The following CSMD3 variants were observed in gnomAD, a reference collection of about 807,000 sequenced individuals.
CSMD3 encodes the protein CUB and Sushi multiple domains 3.
CSMD3 carries 177 observed loss-of-function variants against 435.2 expected under a neutral mutation model. That is an observed-to-expected ratio of 0.41 (90% CI 0.36 to 0.46). CSMD3 has a LOEUF of 0.46. CSMD3 is among the 20% of genes least tolerant of loss of function. CSMD3 has a pLI of 0.34. For synonymous variants in CSMD3, 1,656 were observed against 1,520.5 expected, an observed-to-expected ratio of 1.09 and a Z score of -2.07; for missense variants, 4,265 against 4,504.6, an observed-to-expected ratio of 0.95 and a Z score of 1.52.
At chr8:112,809,746 T>C (rs988698521) in intron 12 of CSMD3, among the ~76,000 whole-genome samples, 2 of 152,156 alleles carry the variant, frequency 1.3e-5, no homozygotes, top group Non-Finnish European at 2.9e-5. Flanking sequence ...GGTTTCTTTC[T>C]GACTACAGGT....
At chr8:112,762,419 A>T (rs2132153676) in intron 13 of CSMD3, among the ~76,000 whole-genome samples, 1 of 152,062 alleles carries the variant, frequency 6.6e-6, no homozygotes. Flanking sequence ...TATGGCAGTG[A>T]ATTGTCAATG....
chr8:112,257,207 G>C (rs999989089), intron 61 of CSMD3, among the ~76,000 whole-genome samples: 2 of 152,126 alleles, frequency 1.3e-5, no homozygotes, highest in African/African-American at 4.8e-5. Context: ...ACAAGACAAG[G>C]ATGCTCTCTC....
intron 2 of CSMD3, chr8:113,311,102 A>T (rs1310514753): frequency 6.6e-6 from 1 of 152,010 alleles, no homozygotes; most frequent in African/African-American, 2.4e-5. Flanking sequence ...GTGATTTTTT[A>T]CTTGTTGGTA....
intron 1 of CSMD3, among the ~76,000 whole-genome samples, chr8:113,433,623 G>A (rs1254587310): frequency 6.6e-6 from 1 of 152,224 alleles, no homozygotes; most frequent in Non-Finnish European, 1.5e-5. Context: ...TGGGGTGCGC[G>A]ACGCCGCACC....
At chr8:113,086,848 G>A (rs2089802646) in intron 5 of CSMD3, among the ~76,000 whole-genome samples, 1 of 152,028 alleles carries the variant, frequency 6.6e-6, no homozygotes, top group South Asian at 2.1e-4. Flanking sequence ...GTCCTATTGA[G>A]GACGTTCATT....
At chr8:112,706,411 AT>A (rs1372588389) in intron 13 of CSMD3, among the ~76,000 whole-genome samples, 2 of 152,124 alleles carry the variant, frequency 1.3e-5, no homozygotes, top group African/African-American at 4.8e-5. Flanking sequence ...GAGAAAAAAA[AT>A]AAACAATTCT....
chr8:113,435,949 T>A (rs1347257710), intron 1 of CSMD3, among the ~76,000 whole-genome samples: 1 of 152,082 alleles, frequency 6.6e-6, no homozygotes, highest in African/African-American at 2.4e-5. Context: ...TCACTCTACC[T>A]GTCTGAACGC....
intron 25 of CSMD3, among the ~76,000 whole-genome samples, chr8:112,554,717 A>C (rs187893717): frequency 6.6e-6 from 1 of 152,082 alleles, no homozygotes; most frequent in Non-Finnish European, 1.5e-5. Context: ...TATAAAACTT[A>C]TGTTTGCAGA....
chr8:112,353,056 T>C (rs1468431247), intron 38 of CSMD3, among the ~76,000 whole-genome samples: 2 of 152,142 alleles, frequency 1.3e-5, no homozygotes, highest in East Asian at 1.9e-4. Flanking sequence ...TTTTAAAATA[T>C]AGTTGTAAGT....
intron 9 of CSMD3, among the ~76,000 whole-genome samples, chr8:112,929,463 T>G (rs1259548819): frequency 1.3e-5 from 2 of 152,110 alleles, no homozygotes; most frequent in Non-Finnish European, 2.9e-5. Flanking sequence ...TTTATTTTTA[T>G]TTTGATAATT....
intron 5 of CSMD3, among the ~76,000 whole-genome samples, chr8:113,097,752 C>T (rs1443272413): frequency 6.6e-6 from 1 of 152,004 alleles, no homozygotes; most frequent in Non-Finnish European, 1.5e-5. Context: ...TCATTCCAAA[C>T]TTAACCTTTC....
intron 13 of CSMD3, among the ~76,000 whole-genome samples, chr8:112,768,031 T>C (rs2078022298): frequency 6.6e-6 from 1 of 151,818 alleles, no homozygotes; most frequent in Non-Finnish European, 1.5e-5. Flanking sequence ...TTTAAAGTAC[T>C]TCAGGTGAAT....
intron 2 of CSMD3, among the ~76,000 whole-genome samples, chr8:113,285,539 G>A (rs1209369881): frequency 3.3e-5 from 5 of 152,098 alleles, no homozygotes; most frequent in Non-Finnish European, 5.9e-5. Flanking sequence ...GATTACAGGC[G>A]TGAGCCACCC....
intron 32 of CSMD3, among the ~76,000 whole-genome samples, chr8:112,442,110 G>A (rs1815090618): frequency 6.6e-6 from 1 of 152,186 alleles, no homozygotes; most frequent in Non-Finnish European, 1.5e-5. Flanking sequence ...AAGAAGAATA[G>A]GTATGCCACA....
chr8:112,635,961 T>A (rs564678742), intron 22 of CSMD3, among the ~76,000 whole-genome samples: 1 of 152,280 alleles, frequency 6.6e-6, no homozygotes, highest in East Asian at 1.9e-4. Flanking sequence ...TTATAATTAA[T>A]CAAATTAAGT....
At chr8:113,125,608 G>A (rs2091103129) in intron 4 of CSMD3, among the ~76,000 whole-genome samples, 1 of 151,768 alleles carries the variant, frequency 6.6e-6, no homozygotes, top group Non-Finnish European at 1.5e-5. Flanking sequence ...AGAAAGATGA[G>A]AAATAAATAC....
At chr8:113,347,014 CA>C (rs1447961859) in intron 1 of CSMD3, among the ~76,000 whole-genome samples, 1 of 152,000 alleles carries the variant, frequency 6.6e-6, no homozygotes, top group Non-Finnish European at 1.5e-5. Context: ...TGAATTCAAT[CA>C]CCCTTTTCCT....
chr8:113,304,006 C>T (rs964470103), intron 2 of CSMD3, among the ~76,000 whole-genome samples: 1 of 139,454 alleles, frequency 7.2e-6, no homozygotes, highest in Admixed American at 8.1e-5. Context: ...TTTTGGCAAC[C>T]TACTCATCTG....
intron 45 of CSMD3, among the ~76,000 whole-genome samples, chr8:112,334,070 A>C (rs369974540): frequency 6.6e-6 from 1 of 152,182 alleles, no homozygotes. Context: ...TTTAAAAAAA[A>C]CAGCCGGAAT....
Sources: allele counts gnomAD v4.1 joint callset (sites outside exome capture counted in the v4.1 genomes callset), GRCh38; gene constraint gnomAD v4.1.1; transcripts MANE v1.5; gene names NCBI Gene and HGNC (gene_info 2026-07-23, HGNC 2026-07-21).